ANKDD1B: variants seen among roughly 807,000 people sequenced by gnomAD.
ANKDD1B encodes the protein ankyrin repeat and death domain-containing protein 1B.
Under a neutral mutation model 59.7 loss-of-function variants are expected in ANKDD1B, and 57 were observed. That is an observed-to-expected ratio of 0.95 (90% CI 0.77 to 1.19). ANKDD1B has a LOEUF of 1.19. Ranked by LOEUF, ANKDD1B falls within the 50% of genes most tolerant of loss-of-function variation. The pLI, the probability that ANKDD1B is intolerant of heterozygous loss-of-function variation, is 0.00. For missense variants in ANKDD1B, 602 were observed against 641.9 expected, an observed-to-expected ratio of 0.94 and a Z score of 0.67; for synonymous variants, 216 against 239.5, an observed-to-expected ratio of 0.90 and a Z score of 0.91.
rs1013861619 is a variant in ANKDD1B at position 75,635,808 on chromosome 5, G to T, written c.724G>T (p.Ala242Ser). 6.5e-7 allele frequency: 1 copy of T among 1,533,038 alleles called. No homozygotes were observed. The highest frequency in any genetic ancestry group is 2.5e-5 in the East Asian group (1 of 40,786). The allele number at this position is 1,533,038 out of a possible 1,614,324, so 95.0% of individuals were successfully genotyped here. Reference protein sequence around the residue: ...DKGGNTALHLAAKHGHSPAVQ... With the variant: ...DKGGNTALHLSAKHGHSPAVQ... ...GGGGGGAAACACTGCCTTGCACCTC[G>T]CTGCGAAGCATGGTCACAGTCCTGC... is the stretch of plus-strand genomic sequence containing the variant. The change falls in exon 7 of 14, where the codon GCT becomes TCT. Residue 242 changes from alanine (A) to serine (S), a missense_variant. Transcript: ENST00000601380.
Position 75,663,489 on chromosome 5 carries a change from G to A in ANKDD1B, c.1191G>A (p.Glu397=). 2 of 1,535,892 alleles carry A rather than the reference G, an allele frequency of 1.3e-6. No homozygotes were observed. Among genetic ancestry groups the A allele is most frequent in the Non-Finnish European group, 1.7e-6 (2 of 1,146,620 alleles). The change falls in exon 11 of 14, where the codon GAG becomes GAA. Residue 397 remains glutamate, a splice_region_variant and synonymous_variant. Coordinates refer to ENST00000601380, the MANE Select transcript of ANKDD1B (RefSeq NM_001276713.2). The part of the protein sequence containing the change: ...IKAERYYAWR[E]EHHESIRDPS... ...CAGAGAGATACTACGCCTGGAGAGA[G>A]GTAAGGAAGGACGATCCCAGCACAG...
chr5:75,634,127 C>T (rs1437660935), intron 5 of ANKDD1B, among the ~76,000 whole-genome samples: 1 of 152,156 alleles, frequency 6.6e-6, no homozygotes. Flanking sequence ...TCTGTTATAG[C>T]AACACAAAGC....
At position 75,611,738 on chromosome 5, in the gene ANKDD1B, C is replaced by T; in HGVS notation, c.104C>T (p.Ala35Val). Residue 35 changes from alanine to valine, a missense_variant, in exon 1 of 14, where the codon GCG becomes GTG. This residue lies in a region of ANKDD1B where 317 missense variants were observed against 304.6 expected (regional missense o/e 1.04). Transcript: ENST00000601380. ...AKGLREDLWG[A>V]AALPWRSLSR... ...GGTCTCAGGGAAGACCTGTGGGGCGCGGCCGCCCTGCCTTGGAGGAGCCTG... is the reference window on the plus strand; with the variant it reads ...GGTCTCAGGGAAGACCTGTGGGGCGTGGCCGCCCTGCCTTGGAGGAGCCTG... 8.1e-7 allele frequency: 1 copy of T among 1,231,950 alleles called. No individual in the cohort carries two copies. The highest frequency in any genetic ancestry group is 1.0e-6 in the Non-Finnish European group (1 of 988,076). 76.3% of individuals were successfully genotyped at this position (1,231,950 alleles called of 1,614,324 possible). A position where few individuals can be genotyped will look rare whatever the true frequency, so the allele number is the denominator to read the frequency against.
intron 7 of ANKDD1B, among the ~76,000 whole-genome samples, chr5:75,648,410 C>T (rs1447433958): frequency 6.6e-6 from 1 of 152,060 alleles, no homozygotes; most frequent in Admixed American, 6.5e-5. Flanking sequence ...GAAGGCTTCC[C>T]AGGTTAGCAA....
chr5:75,615,629 A>G (rs1306286034), intron 1 of ANKDD1B, among the ~76,000 whole-genome samples: 2 of 151,738 alleles, frequency 1.3e-5, no homozygotes, highest in Admixed American at 1.3e-4. Context: ...TCCTTGGCTT[A>G]TAGATGGCCA....
Position 75,669,235 on chromosome 5 carries a change from T to C in ANKDD1B, c.1394-17T>C, listed in dbSNP as rs1030686911. 28 of 1,231,890 alleles carry C rather than the reference T, an allele frequency of 2.3e-5. No homozygotes were observed. Among genetic ancestry groups the C allele is most frequent in the Non-Finnish European group, 2.6e-5 (26 of 987,902 alleles). 76.3% of individuals were successfully genotyped at this position (1,231,890 alleles called of 1,614,324 possible). On this transcript the variant is annotated splice_polypyrimidine_tract_variant and intron_variant, in intron 12 of 13. Coordinates refer to ENST00000601380, the MANE Select transcript of ANKDD1B (RefSeq NM_001276713.2). ...AGCTCGTGGTGTTTTACCTCGGACC[T>C]CTTGTGCTTGGCACAGGAAATGAAA...
At chr5:75,642,283 C>A (rs1774490719) in intron 7 of ANKDD1B, among the ~76,000 whole-genome samples, 2 of 152,120 alleles carry the variant, frequency 1.3e-5, no homozygotes, top group South Asian at 4.2e-4. Context: ...TCTACAGCTC[C>A]CAGCGTGAGC....
chr5:75,630,909 T>G (rs1238246156), intron 5 of ANKDD1B, among the ~76,000 whole-genome samples: 1 of 152,206 alleles, frequency 6.6e-6, no homozygotes, highest in Admixed American at 6.5e-5. Flanking sequence ...CCTTATGGAT[T>G]TCAATCCATA....
In ANKDD1B at chr5:75,666,792, G is replaced by A; in HGVS notation, c.1192G>A (p.Glu398Lys). Reference protein sequence around the residue: ...KAERYYAWREEHHESIRDPST... With the variant: ...KAERYYAWREKHHESIRDPST... The stretch of plus-strand genomic sequence containing the variant: ...TCTGATACAATTATTTTCACTTTAG[G>A]AGCATCATGAGAGCATCAGGGACCC... The change falls in exon 12 of 14, where the codon GAG (glutamate) becomes AAG (lysine). Residue 398 changes from glutamate to lysine, a missense_variant and splice_region_variant. Transcript: ENST00000601380. 6.5e-7 allele frequency: 1 copy of A among 1,530,364 alleles called. No homozygotes were observed. The highest frequency in any genetic ancestry group is 8.8e-7 in the Non-Finnish European group (1 of 1,141,876). The allele number at this position is 1,530,364 out of a possible 1,614,324, so 94.8% of individuals were successfully genotyped here. A position where few individuals can be genotyped will look rare whatever the true frequency, so the allele number is the denominator to read the frequency against.
At chr5:75,648,253 TAAAAAA>T (rs1192638336) in intron 7 of ANKDD1B, among the ~76,000 whole-genome samples, 1 of 37,294 alleles carries the variant, frequency 2.7e-5, no homozygotes, top group Non-Finnish European at 5.3e-5. Context: ...AAAGTATAAT[TAAAAAA>T]AAAAAATTAA....
intron 9 of ANKDD1B, among the ~76,000 whole-genome samples, chr5:75,657,770 C>CCTGT (rs1386804831): frequency 2.6e-5 from 4 of 151,888 alleles, no homozygotes; most frequent in African/African-American, 9.7e-5. Context: ...TAGCTGGGCG[C>CCTGT]CTGTAATCCC....
chr5:75,661,291 G>C (rs907991600), intron 10 of ANKDD1B, among the ~76,000 whole-genome samples: 4 of 150,830 alleles, frequency 2.7e-5, no homozygotes, highest in Non-Finnish European at 4.4e-5. Flanking sequence ...CAGCTACAGC[G>C]GGGGCTGAGG....
At chr5:75,660,805 G>A in intron 10 of ANKDD1B, among the ~76,000 whole-genome samples, 1 of 152,194 alleles carries the variant, frequency 6.6e-6, no homozygotes, top group East Asian at 1.9e-4. Flanking sequence ...CATAGTAAGA[G>A]GCAGAGCTGG....
At chr5:75,648,895 A>G (rs1331954861) in intron 7 of ANKDD1B, among the ~76,000 whole-genome samples, 5 of 152,056 alleles carry the variant, frequency 3.3e-5, no homozygotes, top group Admixed American at 2.0e-4. Flanking sequence ...TTTCCAGGAG[A>G]TTGCTTTTGT....
At chr5:75,655,923 G>A (rs898879220) in intron 8 of ANKDD1B, 106 bp from the exon 9 acceptor site, 4 of 594,572 alleles carry the variant, frequency 6.7e-6, no homozygotes, top group South Asian at 4.1e-5. Context: ...GGGCAGTTTC[G>A]GTACTTGGGA....
chr5:75,663,352 C>A, intron 10 of ANKDD1B, 42 bp from the exon 11 acceptor site: 1 of 1,415,634 alleles, frequency 7.1e-7, no homozygotes, highest in Non-Finnish European at 9.6e-7. Context: ...CTCCTAATCA[C>A]TAGGCCATAT....
intron 5 of ANKDD1B, chr5:75,634,529 A>G (rs1428693710): frequency 4.0e-5 from 7 of 173,858 alleles, no homozygotes; most frequent in African/African-American, 1.2e-4. Flanking sequence ...GGTCTGACAC[A>G]TAGTAGCTTC....
At chr5:75,616,548 G>C (rs550381555) in intron 1 of ANKDD1B, among the ~76,000 whole-genome samples, 2 of 152,210 alleles carry the variant, frequency 1.3e-5, no homozygotes, top group East Asian at 1.9e-4. Flanking sequence ...ACTGACTTCA[G>C]GGTGGTCCTC....
chr5:75,620,410 T>A lies in ANKDD1B; in HGVS notation c.393T>A (p.Asp131Glu). 1.3e-6 allele frequency: 2 copies of A among 1,522,590 alleles called. No individual in the cohort carries two copies. The highest frequency in any genetic ancestry group is 3.9e-5 in the Admixed American group (2 of 50,824). 94.3% of individuals were successfully genotyped at this position (1,522,590 alleles called of 1,614,324 possible). ...ACAAGGCCAGGGTGGATGTTGCTGA[T>A]AAGGTAAGCTCATCTTGAGTAGAAC... ...LKHKARVDVA[D>E]KHGLTVIHLA... The change falls in exon 3 of 14, where the codon GAT becomes GAA. Residue 131 changes from aspartate to glutamate, a missense_variant. By Grantham distance (45) the Asp-to-Glu change is conservative. Transcript: ENST00000601380.
Sources: allele counts gnomAD v4.1 joint callset (sites outside exome capture counted in the v4.1 genomes callset), GRCh38; gene constraint gnomAD v4.1.1; regional missense constraint gnomAD v4.1.1; transcripts MANE v1.5; gene names NCBI Gene and HGNC (gene_info 2026-07-23, HGNC 2026-07-21).